ATE1: variants seen among roughly 807,000 people sequenced by gnomAD.
ATE1 encodes the protein arginyl-tRNA--protein transferase 1.
A neutral mutation model predicts 70.5 loss-of-function variants in ATE1; 36 were observed. The ratio of observed to expected loss-of-function variants is 0.51; its 90% CI spans 0.39 to 0.67. The LOEUF (loss-of-function observed/expected upper bound fraction) is 0.67, where lower values mean the gene tolerates loss of function less well. Among genes scored for constraint, ATE1 ranks in the 30% least tolerant of loss-of-function variants. ATE1 has a pLI of 0.00. For missense variants in ATE1, 593 were observed against 629.5 expected (o/e 0.94, Z 0.62); for synonymous variants, 232 against 219.3 (o/e 1.06, Z -0.51).
intron 10 of ATE1, among the ~76,000 whole-genome samples, chr10:121,801,900 T>C (rs1348807099): frequency 6.8e-6 from 1 of 147,896 alleles, no homozygotes. Flanking sequence ...CCAATATCTA[T>C]AAGGAAAGTA....
At chr10:121,878,294 T>C (rs1278952394) in intron 7 of ATE1, among the ~76,000 whole-genome samples, 1 of 152,092 alleles carries the variant, frequency 6.6e-6, no homozygotes, top group Admixed American at 6.5e-5. Context: ...TAAGAGCATA[T>C]ACATAAGTAA....
chr10:121,872,345 T>C (rs1413323498), intron 7 of ATE1, among the ~76,000 whole-genome samples: 20 of 152,240 alleles, frequency 1.3e-4, no homozygotes, highest in Admixed American at 1.3e-3. Context: ...ATTCTCATCC[T>C]GTTTGAAGCC....
chr10:121,791,718 A>G (rs1028158440), intron 10 of ATE1, among the ~76,000 whole-genome samples: 9 of 152,234 alleles, frequency 5.9e-5, no homozygotes, highest in Non-Finnish European at 1.0e-4. Flanking sequence ...GCAAACATAA[A>G]ACCAGAAACA....
chr10:121,766,757 G>A (rs1168455709), intron 11 of ATE1, among the ~76,000 whole-genome samples: 2 of 152,088 alleles, frequency 1.3e-5, no homozygotes, highest in African/African-American at 2.4e-5. Flanking sequence ...AAATGGACAA[G>A]TGCCCTATAA....
chr10:121,758,349 G>A (rs1016502935), intron 11 of ATE1, among the ~76,000 whole-genome samples: 2 of 152,200 alleles, frequency 1.3e-5, no homozygotes, highest in East Asian at 3.9e-4. Flanking sequence ...CAATGAAAGG[G>A]AGTCATAAGA....
chr10:121,793,558 G>A, intron 10 of ATE1, among the ~76,000 whole-genome samples: 1 of 152,088 alleles, frequency 6.6e-6, no homozygotes. Flanking sequence ...CATCTTTGCT[G>A]TTCTAAAAAA....
intron 7 of ATE1, among the ~76,000 whole-genome samples, chr10:121,893,184 G>A (rs1344570531): frequency 6.6e-6 from 1 of 151,464 alleles, no homozygotes; most frequent in Non-Finnish European, 1.5e-5. Context: ...GGCTAAGGCA[G>A]GAGAATTGCT....
At chr10:121,869,021 A>G (rs1490456807) in intron 8 of ATE1, among the ~76,000 whole-genome samples, 1 of 152,252 alleles carries the variant, frequency 6.6e-6, no homozygotes, top group African/African-American at 2.4e-5. Context: ...ATAAAATGAA[A>G]TAAACAATAG....
At chr10:121,760,339 C>T (rs1322840146) in intron 11 of ATE1, among the ~76,000 whole-genome samples, 2 of 152,168 alleles carry the variant, frequency 1.3e-5, no homozygotes, top group Admixed American at 1.3e-4. Flanking sequence ...AAATAGAAAA[C>T]CTTCTGGAAA....
chr10:121,802,964 C>A (rs1239825485), intron 10 of ATE1, among the ~76,000 whole-genome samples: 3 of 152,122 alleles, frequency 2.0e-5, no homozygotes, highest in African/African-American at 7.2e-5. Context: ...AAAAAGCATA[C>A]CAATACAATG....
chr10:121,746,165 C>T (rs560914629), intron 11 of ATE1, among the ~76,000 whole-genome samples: 2 of 152,192 alleles, frequency 1.3e-5, no homozygotes, highest in African/African-American at 4.8e-5. Context: ...AAAATCCACT[C>T]TAGTTCTCCT....
intron 10 of ATE1, among the ~76,000 whole-genome samples, chr10:121,819,365 C>T (rs773001430): frequency 6.6e-6 from 1 of 152,094 alleles, no homozygotes; most frequent in Non-Finnish European, 1.5e-5. Context: ...TGCATACTCA[C>T]AATACATGCT....
chr10:121,895,040 C>T (rs1175999830), intron 7 of ATE1, among the ~76,000 whole-genome samples: 2 of 152,080 alleles, frequency 1.3e-5, no homozygotes, highest in Admixed American at 6.6e-5. Context: ...ACACATGCTA[C>T]AAGTAATATA....
chr10:121,873,603 A>G (rs7917343), intron 7 of ATE1, among the ~76,000 whole-genome samples: 136,693 of 151,676 alleles, frequency 0.9, 61,743 homozygotes, highest in Middle Eastern at 0.96. Context: ...GTATAGGGGT[A>G]GGGGGAATAA....
At chr10:121,810,666 T>A (rs1032673847) in intron 10 of ATE1, among the ~76,000 whole-genome samples, 2 of 152,008 alleles carry the variant, frequency 1.3e-5, no homozygotes, top group Non-Finnish European at 2.9e-5. Flanking sequence ...AAAATCAAAA[T>A]CTCTCCATTT....
At chr10:121,873,336 A>C (rs927317956) in intron 7 of ATE1, among the ~76,000 whole-genome samples, 1 of 152,178 alleles carries the variant, frequency 6.6e-6, no homozygotes, top group East Asian at 1.9e-4. Flanking sequence ...AGGCCTCTAA[A>C]AAGAAAAAGG....
At chr10:121,806,518 G>C (rs60444671) in intron 10 of ATE1, among the ~76,000 whole-genome samples, 2,531 of 152,202 alleles carry the variant, frequency 0.017, 66 homozygotes, top group African/African-American at 0.058. Flanking sequence ...GGATTGAGGG[G>C]GGGAAAGAAT....
At chr10:121,756,746 A>C (rs1944818735) in intron 11 of ATE1, among the ~76,000 whole-genome samples, 1 of 152,144 alleles carries the variant, frequency 6.6e-6, no homozygotes, top group South Asian at 2.1e-4. Context: ...GATGCAGGAC[A>C]CCAAGTCCCT....
intron 11 of ATE1, among the ~76,000 whole-genome samples, chr10:121,777,942 C>G (rs949583526): frequency 6.6e-6 from 1 of 152,144 alleles, no homozygotes; most frequent in Non-Finnish European, 1.5e-5. Flanking sequence ...TCAAAATCTC[C>G]TTAAAAATAA....
Sources: gnomAD v4.1 joint callset for allele counts (sites outside exome capture counted in the v4.1 genomes callset) on GRCh38, gnomAD v4.1.1 for gene constraint, MANE v1.5 for transcripts, NCBI Gene and HGNC (gene_info 2026-07-23, HGNC 2026-07-21) for gene names.